The following ATG4A variants were observed in gnomAD, a reference collection of about 807,000 sequenced individuals.
ATG4A encodes the protein autophagy related 4A cysteine peptidase.
In ATG4A, 22 loss-of-function variants were observed where a neutral mutation model predicts 38.4. That is an observed-to-expected ratio of 0.57 (90% CI 0.41 to 0.82). The LOEUF (loss-of-function observed/expected upper bound fraction) is 0.82, where lower values mean the gene tolerates loss of function less well. Among genes scored for constraint, ATG4A ranks in the 40% least tolerant of loss-of-function variants. The pLI, the probability that ATG4A is intolerant of heterozygous loss-of-function variation, is 0.00. For missense variants in ATG4A, 220 were observed against 290.0 expected (o/e 0.76, Z 1.75); for synonymous variants, 86 against 100.7 (o/e 0.85, Z 0.88).
chrX:108,094,791 G>C (rs1296561019), intron 1 of ATG4A, among the ~76,000 whole-genome samples: 1 of 112,134 alleles, frequency 8.9e-6, no homozygotes, highest in Non-Finnish European at 1.9e-5. Context: ...TGAAAGTTTG[G>C]TGAAAGCTGC....
At chrX:108,122,692 CAG>C (rs935344006) in intron 1 of ATG4A, among the ~76,000 whole-genome samples, 6 of 111,872 alleles carry the variant, frequency 5.4e-5, no homozygotes, top group African/African-American at 1.9e-4. Context: ...TGGCCTGACA[CAG>C]AGCTACAGAA....
chrX:108,127,589 G>A (rs1447006425), intron 2 of ATG4A, among the ~76,000 whole-genome samples: 1 of 111,890 alleles, frequency 8.9e-6, no homozygotes. Flanking sequence ...ATGACTTCGG[G>A]TGTCTTACTC....
intron 5 of ATG4A, 40 bp from the exon 6 acceptor site, chrX:108,134,299 T>A (rs1181082830): frequency 3.4e-6 from 4 of 1,185,904 alleles, no homozygotes; most frequent in Admixed American, 2.4e-5. Context: ...TATTGGAAGA[T>A]CTTTTGCTAA....
chrX:108,153,276 T>A (rs1302254791), intron 12 of ATG4A, among the ~76,000 whole-genome samples, 189 bp downstream of exon 12: 1 of 112,426 alleles, frequency 8.9e-6, no homozygotes, highest in Non-Finnish European at 1.9e-5. Flanking sequence ...CAAAGAATGA[T>A]AATAGAAGAA....
At chrX:108,145,043 A>C (rs1336533490) in intron 9 of ATG4A, among the ~76,000 whole-genome samples, 1 of 112,135 alleles carries the variant, frequency 8.9e-6, no homozygotes, top group East Asian at 2.8e-4. Flanking sequence ...AATTGCAGCA[A>C]CTTATCCTTC....
chrX:108,107,211 A>T (rs924013158), intron 1 of ATG4A, among the ~76,000 whole-genome samples: 6 of 110,421 alleles, frequency 5.4e-5, no homozygotes, highest in African/African-American at 2.0e-4. Flanking sequence ...TACCTTTTTC[A>T]ATTTATTTTC....
At chrX:108,091,928 G>A in intron 1 of ATG4A, 92 bp downstream of exon 1, 2 of 1,173,990 alleles carry the variant, frequency 1.7e-6, no homozygotes, top group Non-Finnish European at 1.1e-6. Context: ...AAACAGGTTC[G>A]GGGGCAGGGC....
chrX:108,110,142 G>A (rs927014545), intron 1 of ATG4A, among the ~76,000 whole-genome samples: 6 of 105,273 alleles, frequency 5.7e-5, no homozygotes, highest in African/African-American at 1.1e-4. Flanking sequence ...AGGCCAAGGC[G>A]GGGGCGGATC....
Position 108,143,233 on chromosome X carries a change from G to A in ATG4A, c.814+5042G>A, listed in dbSNP as rs370492444. Among the ~76,000 whole-genome samples, 127 of 112,216 alleles carry A rather than the reference G, an allele frequency of 1.1e-3. 2 individuals carry two copies. The South Asian group carries it at 0.04, about 36-fold the overall frequency. ...AATGTTCATGACAATTGCAGTCCTCGTTTCTGTAGCTGGTCACGTGGTCGT... is the reference window on the plus strand; with the variant it reads ...AATGTTCATGACAATTGCAGTCCTCATTTCTGTAGCTGGTCACGTGGTCGT... On this transcript the variant is annotated intron_variant, in intron 9 of 12. Coordinates refer to ENST00000372232, the MANE Select transcript of ATG4A (RefSeq NM_052936.5).
intron 1 of ATG4A, among the ~76,000 whole-genome samples, chrX:108,107,723 C>T (rs2147970126): frequency 9.0e-6 from 1 of 111,521 alleles, no homozygotes; most frequent in East Asian, 2.8e-4. Context: ...GTCAAGGTTC[C>T]TCACTCACCA....
At chrX:108,141,009 C>T (rs886134820) in intron 9 of ATG4A, among the ~76,000 whole-genome samples, 22 of 69,372 alleles carry the variant, frequency 3.2e-4, no homozygotes, top group African/African-American at 1.2e-3. Context: ...CATATATATA[C>T]GTATATATAC....
At chrX:108,100,500 G>A (rs1355977634) in intron 1 of ATG4A, among the ~76,000 whole-genome samples, 1 of 110,875 alleles carries the variant, frequency 9.0e-6, no homozygotes, top group African/African-American at 3.3e-5. Flanking sequence ...CTAAATTCTT[G>A]TCTTGTTCCC....
chrX:108,138,282 G>T (rs2033155998), intron 9 of ATG4A, 91 bp downstream of exon 9: 2 of 807,115 alleles, frequency 2.5e-6, no homozygotes, highest in Non-Finnish European at 3.7e-6. Context: ...ATTCCAGTTA[G>T]TGGGTTCCCG....
intron 1 of ATG4A, among the ~76,000 whole-genome samples, chrX:108,111,923 C>T (rs921485129): frequency 1.4e-4 from 16 of 111,770 alleles, no homozygotes; most frequent in Non-Finnish European, 2.8e-4. Flanking sequence ...GCAGTCCTCA[C>T]ACCTTGGCCT....
upstream of ATG4A, among the ~76,000 whole-genome samples, chrX:108,090,715 T>C (rs2147944332): frequency 8.9e-6 from 1 of 112,263 alleles, no homozygotes; most frequent in African/African-American, 3.2e-5. Flanking sequence ...AAACTGAGGA[T>C]GAAAGCACGA....
chrX:108,121,592 A>T (rs1341547556), intron 1 of ATG4A, among the ~76,000 whole-genome samples: 1 of 110,739 alleles, frequency 9.0e-6, no homozygotes, highest in East Asian at 2.8e-4. Context: ...CTTACCACTT[A>T]TATCTTATTT....
chrX:108,095,823 G>T, intron 1 of ATG4A, among the ~76,000 whole-genome samples: 1 of 107,445 alleles, frequency 9.3e-6, no homozygotes, highest in Admixed American at 1.0e-4. Flanking sequence ...TGATTCTTGT[G>T]CCTCAGCCTC....
chrX:108,091,479 G>C, upstream of ATG4A: 1 of 1,212,370 alleles, frequency 8.2e-7, no homozygotes, highest in East Asian at 3.0e-5. Flanking sequence ...TCCCGCTGTA[G>C]GCCAGGTTGC....
chrX:108,107,312 A>G (rs1363720231), intron 1 of ATG4A, among the ~76,000 whole-genome samples: 1 of 111,835 alleles, frequency 8.9e-6, no homozygotes, highest in Non-Finnish European at 1.9e-5. Flanking sequence ...CAGCCCATTC[A>G]GTGAGTATTT....
Sources: gnomAD v4.1 joint callset for allele counts (sites outside exome capture counted in the v4.1 genomes callset) on GRCh38, gnomAD v4.1.1 for gene constraint, MANE v1.5 for transcripts, NCBI Gene and HGNC (gene_info 2026-07-23, HGNC 2026-07-21) for gene names.